TM9SF2: variants seen among roughly 807,000 people sequenced by gnomAD.
The protein encoded by TM9SF2 is 76 kDa membrane protein.
In TM9SF2, 13 loss-of-function variants were observed where a neutral mutation model predicts 84.9. That is an observed-to-expected ratio of 0.15 (90% CI 0.10 to 0.24). The LOEUF is 0.24. Ranked by LOEUF, TM9SF2 falls within the 10% of genes least tolerant of loss-of-function variation. The probability of loss-of-function intolerance (pLI) is 1.00; values close to 1 mark genes in which losing one functional copy is unlikely to be tolerated. For missense variants in TM9SF2, 562 were observed against 818.5 expected, an observed-to-expected ratio of 0.69 and a Z score of 3.82; for synonymous variants, 273 against 285.8, an observed-to-expected ratio of 0.96 and a Z score of 0.45.
chr13:99,522,788 T>C (rs1321165076), intron 3 of TM9SF2, among the ~76,000 whole-genome samples: 1 of 152,214 alleles, frequency 6.6e-6, no homozygotes, highest in Non-Finnish European at 1.5e-5. Flanking sequence ...GGGCAGACTT[T>C]GAAGGCAGGT....
In TM9SF2 at chr13:99,521,575, G is replaced by T. The variant is rs56984133; in HGVS notation, c.333+1446G>T. On this transcript the variant is annotated intron_variant, in intron 3 of 16. Transcript: ENST00000376387. ...GAAGCCTAGATTCATCTCACCAACC[G>T]TCTTACTCCCTCCAGCACCTGCACC... Among the ~76,000 whole-genome samples the T allele has an allele frequency of 6.1e-3, 924 of 152,168 alleles. 8 individuals are homozygous for T. The highest frequency in any genetic ancestry group is 0.02 in the African/African-American group (850 of 41,498).
chr13:99,543,946 C>T lies in TM9SF2; in HGVS notation c.1101C>T (p.Val367=), dbSNP rs749605536. The change falls in exon 10 of 17, where the codon GTC becomes GTT. Residue 367 remains valine (V), a synonymous_variant. Transcript: ENST00000376387. ...RPPRKGMLLS[V]FLGSGTQILI... Reference sequence around the variant, plus strand: ...CAAGAAAAGGGATGCTGCTATCAGTCTTTCTAGGATCCGGGACACAGATTT... The same window carrying T: ...CAAGAAAAGGGATGCTGCTATCAGTTTTTCTAGGATCCGGGACACAGATTT... 98 of 1,614,018 alleles carry T rather than the reference C, an allele frequency of 6.1e-5. No homozygotes were observed. The highest frequency in any genetic ancestry group is 4.0e-4 in the Admixed American group (24 of 60,004).
chr13:99,505,418 G>A (rs1246594434), intron 1 of TM9SF2, among the ~76,000 whole-genome samples: 2 of 152,204 alleles, frequency 1.3e-5, no homozygotes, highest in Non-Finnish European at 2.9e-5. Context: ...GCCTCCCAAA[G>A]TGTTGGGATT....
chr13:99,526,779 G>A (rs2046185556), intron 3 of TM9SF2, among the ~76,000 whole-genome samples: 1 of 152,162 alleles, frequency 6.6e-6, no homozygotes, highest in Admixed American at 6.5e-5. Flanking sequence ...CAGGAGCGAG[G>A]AGGAGTGTTG....
intron 15 of TM9SF2, among the ~76,000 whole-genome samples, chr13:99,558,082 C>G (rs956167118): frequency 1.3e-5 from 2 of 152,200 alleles, no homozygotes; most frequent in Admixed American, 6.5e-5. Flanking sequence ...AGAGGCTGTT[C>G]TTTCCTCATT....
intron 1 of TM9SF2, among the ~76,000 whole-genome samples, chr13:99,508,426 C>CAT (rs1366438259): frequency 1.3e-5 from 2 of 151,274 alleles, no homozygotes; most frequent in Non-Finnish European, 2.9e-5. Context: ...CACACACACA[C>CAT]ACACACACAC....
chr13:99,512,694 G>T (rs945549053), intron 1 of TM9SF2, among the ~76,000 whole-genome samples: 7 of 152,210 alleles, frequency 4.6e-5, no homozygotes, highest in African/African-American at 1.4e-4. Flanking sequence ...AAGATTTGCT[G>T]TAGTTTTAGA....
chr13:99,558,067 G>A (rs1258689232), intron 15 of TM9SF2, among the ~76,000 whole-genome samples: 1 of 152,172 alleles, frequency 6.6e-6, no homozygotes, highest in Non-Finnish European at 1.5e-5. Context: ...AGCACCATTT[G>A]TTGAAGAGGC....
chr13:99,558,927 A>G (rs2046334491), intron 15 of TM9SF2, among the ~76,000 whole-genome samples: 1 of 152,232 alleles, frequency 6.6e-6, no homozygotes, highest in African/African-American at 2.4e-5. Flanking sequence ...TATGTTAGTA[A>G]TAGCTGAAAT....
At chr13:99,541,417 T>C (rs1253704680) in intron 8 of TM9SF2, 142 bp from the exon 9 acceptor site, 7 of 573,590 alleles carry the variant, frequency 1.2e-5, no homozygotes, top group Non-Finnish European at 1.8e-5. Context: ...ACACAGTTCA[T>C]TGAATTTGTT....
At chr13:99,552,827 C>T (rs1316008102) in intron 13 of TM9SF2, among the ~76,000 whole-genome samples, 1 of 152,226 alleles carries the variant, frequency 6.6e-6, no homozygotes, top group African/African-American at 2.4e-5. Context: ...TGGTCTTGAA[C>T]TCCTGACCTC....
At chr13:99,517,885 C>CT (rs991683731) in intron 2 of TM9SF2, among the ~76,000 whole-genome samples, 2 of 152,006 alleles carry the variant, frequency 1.3e-5, no homozygotes, top group Non-Finnish European at 2.9e-5. Flanking sequence ...CAATGGATTT[C>CT]TTTTTTTATC....
At chr13:99,503,112 T>C (rs1209770461) in intron 1 of TM9SF2, among the ~76,000 whole-genome samples, 4 of 149,840 alleles carry the variant, frequency 2.7e-5, no homozygotes, top group African/African-American at 9.7e-5. Flanking sequence ...TGAAAGACTG[T>C]TGTTGTGCTT....
intron 1 of TM9SF2, among the ~76,000 whole-genome samples, chr13:99,509,054 C>G (rs890771884): frequency 1.3e-5 from 2 of 152,122 alleles, no homozygotes; most frequent in Non-Finnish European, 2.9e-5. Context: ...AAGGAAAGTC[C>G]CTTCTACCTA....
At chr13:99,508,571 G>T (rs2046099859) in intron 1 of TM9SF2, among the ~76,000 whole-genome samples, 1 of 151,954 alleles carries the variant, frequency 6.6e-6, no homozygotes, top group Non-Finnish European at 1.5e-5. Context: ...AATTTATAAA[G>T]AAAAGATGTT....
intron 16 of TM9SF2, among the ~76,000 whole-genome samples, chr13:99,560,793 T>G (rs2046341780): frequency 6.6e-6 from 1 of 152,168 alleles, no homozygotes; most frequent in African/African-American, 2.4e-5. Flanking sequence ...GCCATTCTCC[T>G]GCCTCAGCCT....
chr13:99,537,823 A>G lies in TM9SF2; in HGVS notation c.676A>G (p.Met226Val). Residue 226 changes from methionine to valine, a missense_variant, in exon 6 of 17, where the codon ATG becomes GTG. Physicochemically the swap from Met to Val is conservative, Grantham distance 21. This residue lies in a region of TM9SF2 where 267 missense variants were observed against 316.7 expected (regional missense o/e 0.84). Coordinates refer to ENST00000376387, the MANE Select transcript of TM9SF2 (RefSeq NM_004800.3). Reference sequence around the variant, plus strand: ...CTATCATGTTGTTGAAACTGGGTCCATGGGAGCAAGATTAGTGGCTGCTAA... The same window carrying G: ...CTATCATGTTGTTGAAACTGGGTCCGTGGGAGCAAGATTAGTGGCTGCTAA... Reference protein sequence around the residue: ...IYYHVVETGSMGARLVAAKLE... With the variant: ...IYYHVVETGSVGARLVAAKLE... The G allele has an allele frequency of 5.6e-6, 9 of 1,610,914 alleles. No individual in the cohort carries two copies. Among genetic ancestry groups the G allele is most frequent in the Non-Finnish European group, 6.8e-6 (8 of 1,179,348 alleles).
Position 99,540,774 on chromosome 13 carries a change from A to T in TM9SF2, c.889A>T (p.Thr297Ser), listed in dbSNP as rs777053345. ...WDYILESMPH[T>S]HIQWFSIMNS... ...CTATATTCTGGAGTCTATGCCTCAT[A>T]CCCACATTCAGTGGTTTAGGTAAGA... The change falls in exon 8 of 17, where the codon ACC (threonine) becomes TCC (serine). Residue 297 changes from threonine to serine, a missense_variant. Thr to Ser is a moderately conservative substitution (Grantham distance 58). Around this residue, in one of 4 missense-constraint regions of TM9SF2, gnomAD observed 219 missense variants for 338.1 expected, o/e 0.65. Transcript: ENST00000376387. 6.2e-7 allele frequency: 1 copy of T among 1,613,660 alleles called. No homozygotes were observed. The highest frequency in any genetic ancestry group is 8.5e-7 in the Non-Finnish European group (1 of 1,179,836).
rs749692484 is a variant in TM9SF2, at chr13:99,546,971, G to C, written c.1151-14G>C. The C allele has an allele frequency of 1.2e-6, 2 of 1,613,978 alleles. No individual in the cohort carries two copies. The highest frequency in any genetic ancestry group is 2.2e-5 in the South Asian group (2 of 91,068). ...AGTAATAACATGTACAGCCTTTCAC[G>C]ATTTGTGTTTTAGTTTTCGCTTGCC... On this transcript the variant is annotated splice_polypyrimidine_tract_variant and intron_variant, in intron 10 of 16. Coordinates refer to ENST00000376387, the MANE Select transcript of TM9SF2 (RefSeq NM_004800.3).
Sources: gnomAD v4.1 joint callset for allele counts (sites outside exome capture counted in the v4.1 genomes callset) on GRCh38, gnomAD v4.1.1 for gene constraint, gnomAD v4.1.1 regional missense constraint, MANE v1.5 for transcripts, NCBI Gene and HGNC (gene_info 2026-07-23, HGNC 2026-07-21) for gene names.